ZNF385D: variants seen among roughly 807,000 people sequenced by gnomAD.
The protein encoded by ZNF385D is zinc finger protein 385D, also known as zinc finger protein 659.
ZNF385D carries 15 observed loss-of-function variants against 35.8 expected under a neutral mutation model. The ratio of observed to expected loss-of-function variants is 0.42; its 90% CI spans 0.28 to 0.64. The LOEUF (loss-of-function observed/expected upper bound fraction) is 0.64, where lower values mean the gene tolerates loss of function less well. Ranked by LOEUF, ZNF385D falls within the 30% of genes least tolerant of loss-of-function variation. The probability of loss-of-function intolerance (pLI) is 0.23; values close to 1 mark genes in which losing one functional copy is unlikely to be tolerated. For synonymous variants in ZNF385D, 212 were observed against 186.8 expected (o/e 1.13, Z -1.10); for missense variants, 474 against 494.6 (o/e 0.96, Z 0.39).
At chr3:22,016,308 A>C (rs259431) in intron 3 of ZNF385D, among the ~76,000 whole-genome samples, 90,069 of 151,764 alleles carry the variant, frequency 0.59, 27,701 homozygotes, top group East Asian at 0.89. Context: ...CAGCTCCTCT[A>C]CCCTCAGCAA....
chr3:21,610,875 G>A (rs1296135412), intron 2 of ZNF385D, among the ~76,000 whole-genome samples: 2 of 152,142 alleles, frequency 1.3e-5, no homozygotes, highest in Admixed American at 1.3e-4. Context: ...CTGCAATCAG[G>A]ATATCAGCCT....
intron 3 of ZNF385D, among the ~76,000 whole-genome samples, chr3:21,770,425 A>T: frequency 6.6e-6 from 1 of 152,158 alleles, no homozygotes; most frequent in East Asian, 1.9e-4. Context: ...AAAAGTGGGC[A>T]AAGTATATGA....
At chr3:21,871,528 G>A (rs1473630749) in intron 3 of ZNF385D, among the ~76,000 whole-genome samples, 1 of 152,178 alleles carries the variant, frequency 6.6e-6, no homozygotes, top group East Asian at 1.9e-4. Flanking sequence ...CATATAGTAG[G>A]TACTCAATAA....
chr3:22,267,329 A>C (rs529592785), intron 2 of ZNF385D, among the ~76,000 whole-genome samples: 8 of 151,984 alleles, frequency 5.3e-5, no homozygotes, highest in Admixed American at 3.9e-4. Flanking sequence ...AAGACAATAA[A>C]CCTCTTAGTT....
chr3:22,369,580 T>A (rs1472913848), intron 2 of ZNF385D, among the ~76,000 whole-genome samples: 1 of 152,156 alleles, frequency 6.6e-6, no homozygotes, highest in Non-Finnish European at 1.5e-5. Context: ...TTATCGTTAA[T>A]TTCCCCAAGA....
At chr3:21,750,057 G>C (rs927769435) in intron 1 of ZNF385D, among the ~76,000 whole-genome samples, 1 of 152,206 alleles carries the variant, frequency 6.6e-6, no homozygotes, top group African/African-American at 2.4e-5. Flanking sequence ...CAGAAGGAAA[G>C]CATAACTTCA....
intron 3 of ZNF385D, among the ~76,000 whole-genome samples, chr3:21,896,935 A>G (rs1699169608): frequency 1.3e-5 from 2 of 152,102 alleles, no homozygotes; most frequent in African/African-American, 4.8e-5. Flanking sequence ...AAACTTTAAG[A>G]AAAAAACTGG....
chr3:21,937,288 C>T (rs1310570518), intron 3 of ZNF385D, among the ~76,000 whole-genome samples: 1 of 152,056 alleles, frequency 6.6e-6, no homozygotes, highest in Non-Finnish European at 1.5e-5. Flanking sequence ...CAATCACAGC[C>T]TCTTATTCTG....
chr3:22,330,339 G>A (rs1039054506), intron 2 of ZNF385D, among the ~76,000 whole-genome samples: 5 of 152,062 alleles, frequency 3.3e-5, no homozygotes, highest in African/African-American at 1.2e-4. Flanking sequence ...ACTAACTGCT[G>A]AGGTTTGTCT....
intron 2 of ZNF385D, among the ~76,000 whole-genome samples, chr3:22,264,851 T>C (rs999988469): frequency 7.4e-6 from 1 of 135,336 alleles, no homozygotes. Context: ...TATCTAAAAT[T>C]CCATTCTCCC....
intron 3 of ZNF385D, among the ~76,000 whole-genome samples, chr3:21,820,651 T>A (rs1316550390): frequency 6.6e-6 from 1 of 151,442 alleles, no homozygotes; most frequent in Non-Finnish European, 1.5e-5. Context: ...CTTGGTTTCT[T>A]GAGGAGACTA....
At chr3:21,997,866 C>CGT (rs1162271257) in intron 3 of ZNF385D, among the ~76,000 whole-genome samples, 7 of 97,808 alleles carry the variant, frequency 7.2e-5, no homozygotes, top group Non-Finnish European at 1.2e-4. Flanking sequence ...GGCGCGCGCG[C>CGT]GCGCGCGTGT....
At chr3:22,298,371 T>C (rs1042893352) in intron 2 of ZNF385D, among the ~76,000 whole-genome samples, 3 of 134,290 alleles carry the variant, frequency 2.2e-5, no homozygotes, top group African/African-American at 5.4e-5. Context: ...GAAAGCAGTA[T>C]GTATGTGTGT....
At chr3:22,035,183 T>A (rs1465544079) in intron 3 of ZNF385D, among the ~76,000 whole-genome samples, 1 of 152,194 alleles carries the variant, frequency 6.6e-6, no homozygotes, top group African/African-American at 2.4e-5. Flanking sequence ...ATCATTTAGT[T>A]TGATCGCAAT....
chr3:22,008,610 C>T (rs1255557301), intron 3 of ZNF385D, among the ~76,000 whole-genome samples: 1 of 152,160 alleles, frequency 6.6e-6, no homozygotes, highest in African/African-American at 2.4e-5. Flanking sequence ...CCCACCACGG[C>T]CTCCCAAAGT....
chr3:22,307,479 G>C (rs1041219615), intron 2 of ZNF385D, among the ~76,000 whole-genome samples: 4 of 152,044 alleles, frequency 2.6e-5, no homozygotes, highest in Non-Finnish European at 4.4e-5. Flanking sequence ...GAAGGCATAA[G>C]AAAAAACATG....
At chr3:22,186,075 AAAT>A (rs1267974920) in intron 2 of ZNF385D, among the ~76,000 whole-genome samples, 1 of 152,164 alleles carries the variant, frequency 6.6e-6, no homozygotes, top group Admixed American at 6.6e-5. Context: ...ACACACTCTT[AAAT>A]AATGTTTCCA....
At position 21,623,848 on chromosome 3, in the gene ZNF385D, G is replaced by T. The variant is rs116817595; in HGVS notation, c.165+41038C>A. On this transcript the variant is annotated intron_variant, in intron 2 of 7. Transcript: ENST00000281523. ...CCAATTTACCATGACTATTTGAGCT[G>T]AAGATTCTCTTTCTTGAAAAAGTAA... 3.3e-3 allele frequency among the ~76,000 whole-genome samples: 499 copies of T among 152,172 alleles called. 2 individuals carry two copies. The highest frequency in any genetic ancestry group is 0.011 in the African/African-American group (477 of 41,518).
chr3:21,446,641 G>A (rs964254576), intron 4 of ZNF385D, among the ~76,000 whole-genome samples: 79 of 151,712 alleles, frequency 5.2e-4, no homozygotes, highest in African/African-American at 1.9e-3. Context: ...TTACAGGGGT[G>A]TGCCACCACA....
Sources: gnomAD v4.1 joint callset for allele counts (sites outside exome capture counted in the v4.1 genomes callset) on GRCh38, gnomAD v4.1.1 for gene constraint, MANE v1.5 for transcripts, NCBI Gene and HGNC (gene_info 2026-07-23, HGNC 2026-07-21) for gene names.